The following SYNE1 variants were observed in gnomAD, a reference collection of about 807,000 sequenced individuals.
SYNE1 encodes the protein nesprin-1.
SYNE1 carries 616 observed loss-of-function variants against 1,111.0 expected under a neutral mutation model. The observed-to-expected ratio is 0.55, with a 90% CI of 0.52 to 0.59. SYNE1 has a LOEUF of 0.59. SYNE1 is among the 20% of genes least tolerant of loss of function. The pLI is 0.00. For missense variants in SYNE1, 10,006 were observed against 10,417.0 expected, an observed-to-expected ratio of 0.96 and a Z score of 1.72; for synonymous variants, 3,855 against 3,825.8, an observed-to-expected ratio of 1.01 and a Z score of -0.28.
chr6:152,442,214 C>G lies in SYNE1; in HGVS notation c.3869G>C (p.Arg1290Thr), dbSNP rs1305485440. 9 of 1,613,492 alleles carry G rather than the reference C, an allele frequency of 5.6e-6. No individual in the cohort carries two copies. Among genetic ancestry groups the G allele is most frequent in the Non-Finnish European group, 7.6e-6 (9 of 1,180,042 alleles). The change falls in exon 31 of 146, where the codon AGA becomes ACA. Residue 1290 changes from arginine (R) to threonine (T), a missense_variant. Arg to Thr is a moderately conservative substitution (Grantham distance 71). Around this residue, in one of 7 missense-constraint regions of SYNE1, gnomAD observed 1,971 missense variants for 2,084.1 expected, o/e 0.95. Transcript: ENST00000367255. The stretch of plus-strand genomic sequence containing the variant: ...CTGCGCGATCTGCTGCTGCACATCT[C>G]TCTTCTTTGCTGAGATCCGCTTTGT... ...QKTKRISAKK[R>T]DVQQQIAQAQ...
chr6:152,225,686 C>T lies in SYNE1; in HGVS notation c.21351+35G>A, dbSNP rs370834542. The T allele has an allele frequency of 6.8e-5, 109 of 1,613,892 alleles. No individual in the cohort carries two copies. The Middle Eastern group carries it at 1.3e-3, about 20-fold the overall frequency. ...AGAGTTTGGACAGAGCTGGCAAACA[C>T]GGTCCTGGAGCTGGCTTTCTGTGAG... On this transcript the variant is annotated intron_variant, in intron 116 of 145. Coordinates refer to ENST00000367255, the MANE Select transcript of SYNE1 (RefSeq NM_182961.4).
In SYNE1 at chr6:152,381,296, C is replaced by A. The variant is rs748658983; in HGVS notation, c.8719G>T (p.Val2907Leu). 40 of 1,614,100 alleles carry A rather than the reference C, an allele frequency of 2.5e-5. No homozygotes were observed. In the South Asian group the frequency reaches 4.2e-4, roughly 17 times the overall value. ...LSRVESLAPE[V>L]KQNTTASGCE... ...CCACTGGCAGTTGTGTTCTGTTTCA[C>A]TTCGGGAGCCAGCGACTCCACTCTG... The change falls in exon 56 of 146, where the codon GTG (valine) becomes TTG (leucine). Residue 2907 changes from valine to leucine, a missense_variant. Around this residue, in one of 7 missense-constraint regions of SYNE1, gnomAD observed 4,955 missense variants for 5,017.2 expected, o/e 0.99. Coordinates refer to ENST00000367255, the MANE Select transcript of SYNE1 (RefSeq NM_182961.4).
At chr6:152,517,839 C>T (rs2099119634) in intron 6 of SYNE1, among the ~76,000 whole-genome samples, 1 of 151,976 alleles carries the variant, frequency 6.6e-6, no homozygotes, top group Non-Finnish European at 1.5e-5. Context: ...GACTGGTTAT[C>T]TAAAGGTAGG....
In SYNE1 at chr6:152,325,144, G is replaced by C. The variant is rs9383987; in HGVS notation, c.15597C>G (p.Ala5199=). Reference sequence around the variant, plus strand: ...CTTCCAGGATCTTCTCCTGGTCCTGGGCCACAGCTCGAAGGCGTGTCCAGC... The same window carrying C: ...CTTCCAGGATCTTCTCCTGGTCCTGCGCCACAGCTCGAAGGCGTGTCCAGC... ...WQRWTRLRAV[A]QDQEKILEDA... Residue 5199 remains alanine, a synonymous_variant, in exon 81 of 146, where the codon GCC becomes GCG. Transcript: ENST00000367255. 58,880 of 1,614,070 alleles carry C rather than the reference G, an allele frequency of 0.036. 1,546 individuals are homozygous for C. Among genetic ancestry groups the C allele is most frequent in the East Asian group, 0.15 (6,805 of 44,860 alleles).
At chr6:152,259,373 G>C (rs2091564919) in intron 101 of SYNE1, among the ~76,000 whole-genome samples, 1 of 152,102 alleles carries the variant, frequency 6.6e-6, no homozygotes, top group South Asian at 2.1e-4. Flanking sequence ...AGGTTGTTGT[G>C]CATGGAAGCA....
intron 3 of SYNE1, among the ~76,000 whole-genome samples, chr6:152,596,022 G>GGGTTGAT (rs1281854507): frequency 4.1e-5 from 6 of 146,312 alleles, no homozygotes; most frequent in African/African-American, 1.5e-4. Flanking sequence ...TCGAACCAAG[G>GGGTTGAT]GGTTGATTCT....
chr6:152,144,477 TGA>T (rs67969578), intron 137 of SYNE1: 36,600 of 137,546 alleles, frequency 0.27, 4,693 homozygotes, highest in South Asian at 0.39. Flanking sequence ...GTAAAATTAC[TGA>T]GAGTGTGTGT....
intron 56 of SYNE1, 28 bp downstream of exon 56, chr6:152,380,978 A>G: frequency 6.2e-7 from 1 of 1,604,246 alleles, no homozygotes; most frequent in Non-Finnish European, 8.5e-7. Context: ...AAGCATAACC[A>G]CCAATAGAAA....
In SYNE1 at chr6:152,309,897, G is replaced by A. The variant is rs202171698; in HGVS notation, c.17140C>T (p.Arg5714Trp). ...ASLPLCHAAL[R>W]LQEEASRLQH... ...AGCCGGCTGGCCTCTTCCTGCAGCC[G>A]CAGAGCAGCATGACAGAGAGGTAAG... The change falls in exon 90 of 146, where the codon CGG becomes TGG. Residue 5714 changes from arginine (R) to tryptophan (W), a missense_variant. Physicochemically the swap from Arg to Trp is moderately radical, Grantham distance 101. Transcript: ENST00000367255. 71 of 1,614,086 alleles carry A rather than the reference G, an allele frequency of 4.4e-5. No homozygotes were observed. Among genetic ancestry groups the A allele is most frequent in the Non-Finnish European group, 5.6e-5 (66 of 1,180,034 alleles).
chr6:152,564,087 T>G (rs1179304792), intron 3 of SYNE1, among the ~76,000 whole-genome samples: 3 of 152,178 alleles, frequency 2.0e-5, no homozygotes, highest in African/African-American at 7.2e-5. Flanking sequence ...CATTTTATAC[T>G]GCGTAAGACA....
At chr6:152,634,466 A>T (rs545467349) in intron 2 of SYNE1, among the ~76,000 whole-genome samples, 143 of 152,148 alleles carry the variant, frequency 9.4e-4, no homozygotes, top group South Asian at 2.1e-3. Flanking sequence ...AAATTTAATT[A>T]TTTTTTTCTC....
chr6:152,465,456 T>C lies in SYNE1; in HGVS notation c.1734A>G (p.Glu578=), dbSNP rs990112269. 2 of 1,612,996 alleles carry C rather than the reference T, an allele frequency of 1.2e-6. No homozygotes were observed. The highest frequency in any genetic ancestry group is 1.7e-6 in the Non-Finnish European group (2 of 1,179,526). The change falls in exon 18 of 146, where the codon GAA becomes GAG. Residue 578 remains glutamate, a synonymous_variant. Transcript: ENST00000367255. ...TGAATTTCATCACATTCTCAGCTTC[T>C]TCCACTGAAACAGATAAAACCAATT... is the stretch of plus-strand genomic sequence containing the variant. ...EMYVKADGSV[E]EAENVMKFMN...
At chr6:152,505,438 T>G (rs187978319) in intron 8 of SYNE1, 41 bp from the exon 9 acceptor site, 204 of 1,604,732 alleles carry the variant, frequency 1.3e-4, no homozygotes, top group Middle Eastern at 1.8e-4. Flanking sequence ...ACATTCTGAA[T>G]AGATACAAGC....
rs756169953 is a variant in SYNE1, at chr6:152,353,595, T to G, written c.11076A>C (p.Gln3692His). Residue 3692 changes from glutamine to histidine, a missense_variant, in exon 68 of 146, where the codon CAA (glutamine) becomes CAC (histidine). By Grantham distance (24) the Gln-to-His change is conservative. Coordinates refer to ENST00000367255, the MANE Select transcript of SYNE1 (RefSeq NM_182961.4). ...CACCTGGTGACCCACTCACCAGCAC[T>G]TGGAGAAGCAGGGCCTGGTATCTGG... ...LTSRYQALLL[Q>H]VLEQIKFLEE... 6.2e-7 allele frequency: 1 copy of G among 1,614,220 alleles called. No individual in the cohort carries two copies. Among genetic ancestry groups the G allele is most frequent in the Admixed American group, 1.7e-5 (1 of 60,026 alleles).
At chr6:152,364,237 A>G (rs982283919) in intron 63 of SYNE1, among the ~76,000 whole-genome samples, 1 of 152,124 alleles carries the variant, frequency 6.6e-6, no homozygotes, top group African/African-American at 2.4e-5. Context: ...CTCCCCAGCC[A>G]TGAGGAATTG....
intron 3 of SYNE1, among the ~76,000 whole-genome samples, chr6:152,607,993 C>T (rs193285434): frequency 9.2e-5 from 14 of 152,074 alleles, no homozygotes; most frequent in South Asian, 2.1e-4. Context: ...TGAAAACACA[C>T]GGACACAGGG....
chr6:152,215,175 C>T (rs1457295195), intron 121 of SYNE1, 115 bp from the exon 122 acceptor site: 14 of 1,180,144 alleles, frequency 1.2e-5, no homozygotes, highest in Non-Finnish European at 1.6e-5. Flanking sequence ...GTCTAGTGGC[C>T]TCTGCATTTC....
rs2153673156 is a variant in SYNE1 at position 152,268,112 on chromosome 6, A to G, written c.18759T>C (p.Ser6253=). 1 of 1,614,114 alleles carries G rather than the reference A, an allele frequency of 6.2e-7. No homozygotes were observed. The highest frequency in any genetic ancestry group is 8.5e-7 in the Non-Finnish European group (1 of 1,179,996). Residue 6253 remains serine, a synonymous_variant, in exon 100 of 146, where the codon AGT becomes AGC. Transcript: ENST00000367255. The part of the protein sequence containing the change: ...EQKSLLRSVA[S]RGEEILIQHS... ...GTTGAATTAGAATCTCCTCTCCACGACTGGCTACTGAGCGAAGGAGACTCT... is the reference window on the plus strand; with the variant it reads ...GTTGAATTAGAATCTCCTCTCCACGGCTGGCTACTGAGCGAAGGAGACTCT...
chr6:152,201,593 T>G (rs1242503425), intron 127 of SYNE1, among the ~76,000 whole-genome samples: 1 of 152,154 alleles, frequency 6.6e-6, no homozygotes, highest in Non-Finnish European at 1.5e-5. Flanking sequence ...TCTTTTAATG[T>G]GTTTTAAATT....
Sources: gnomAD v4.1 joint callset for allele counts (sites outside exome capture counted in the v4.1 genomes callset) on GRCh38, gnomAD v4.1.1 for gene constraint, gnomAD v4.1.1 regional missense constraint, MANE v1.5 for transcripts, NCBI Gene and HGNC (gene_info 2026-07-23, HGNC 2026-07-21) for gene names.